The following PSD variants were observed in gnomAD, a reference collection of about 807,000 sequenced individuals.
PSD encodes the protein PH and SEC7 domain-containing protein 1.
A neutral mutation model predicts 91.6 loss-of-function variants in PSD; 32 were observed. The observed-to-expected ratio is 0.35, with a 90% confidence interval of 0.26 to 0.47. PSD has a LOEUF of 0.47. PSD is among the 20% of genes least tolerant of loss of function. The pLI is 1.00. For missense variants in PSD, 1,099 were observed against 1,373.9 expected, an observed-to-expected ratio of 0.80 and a Z score of 3.16; for synonymous variants, 532 against 569.3, an observed-to-expected ratio of 0.93 and a Z score of 0.93.
In PSD at chr10:102,409,025, C is replaced by A; in HGVS notation, c.2092-1759G>T. 1.0e-6 allele frequency: 1 copy of A among 986,874 alleles called. No individual in the cohort carries two copies. The highest frequency in any genetic ancestry group is 1.2e-6 in the Non-Finnish European group (1 of 830,090). 61.1% of individuals were successfully genotyped at this position (986,874 alleles called of 1,614,324 possible). A position where few individuals can be genotyped will look rare whatever the true frequency, so the allele number is the denominator to read the frequency against. ...CGCGCCGCGGTGGGTGCGCCCGTAGCGCACGGAGCACAGCGAGCGCGAGCG... is the reference window on the plus strand; with the variant it reads ...CGCGCCGCGGTGGGTGCGCCCGTAGAGCACGGAGCACAGCGAGCGCGAGCG... On this transcript the variant is annotated intron_variant, in intron 10 of 16. Transcript: ENST00000020673. The surrounding 1 kb of genome is among the most constrained non-coding windows in gnomAD (Gnocchi z 5.7).
chr10:102,407,355 G>T, intron 10 of PSD, 89 bp from the exon 11 acceptor site: 1 of 847,870 alleles, frequency 1.2e-6, no homozygotes, highest in Non-Finnish European at 1.7e-6. Context: ...TGAGAGATGA[G>T]CCAGAACTAA....
In PSD at chr10:102,404,433, G is replaced by C; in HGVS notation, c.2700+150C>G. ...CCCAGCCGGCAAGCGGGACCCAGTGGGGGCTGGATTTCAGTCCCTGCTCAC... is the reference window on the plus strand; with the variant it reads ...CCCAGCCGGCAAGCGGGACCCAGTGCGGGCTGGATTTCAGTCCCTGCTCAC... On this transcript the variant is annotated intron_variant, in intron 15 of 16. Coordinates refer to ENST00000020673, the MANE Select transcript of PSD (RefSeq NM_002779.5). The surrounding 1 kb of genome is among the most constrained non-coding windows in gnomAD (Gnocchi z 5.7). The C allele has an allele frequency of 9.9e-7, 1 of 1,006,886 alleles. No homozygotes were observed. Among genetic ancestry groups the C allele is most frequent in the South Asian group, 2.0e-5 (1 of 49,938 alleles). 62.4% of individuals were successfully genotyped at this position (1,006,886 alleles called of 1,614,324 possible).
At chr10:102,408,260 C>G (rs1262167332) in intron 10 of PSD, among the ~76,000 whole-genome samples, 1 of 152,200 alleles carries the variant, frequency 6.6e-6, no homozygotes, top group Non-Finnish European at 1.5e-5. Flanking sequence ...TGTGATGGGA[C>G]ACAGCCTCCC....
At chr10:102,412,091 G>A (rs2061430991) in intron 7 of PSD, 56 bp downstream of exon 7, 5 of 1,543,578 alleles carry the variant, frequency 3.2e-6, no homozygotes, top group South Asian at 2.2e-5. Context: ...GGCATCCTGG[G>A]GCCCTAACAC....
At position 102,416,805 on chromosome 10, in the gene PSD, A is replaced by C; in HGVS notation, c.234T>G (p.Val78=). 6.3e-7 allele frequency: 1 copy of C among 1,598,508 alleles called. No individual in the cohort carries two copies. The highest frequency in any genetic ancestry group is 8.5e-7 in the Non-Finnish European group (1 of 1,171,926). ...TPLRGPPSPR[V]APSPWAPSSP... is the part of the protein sequence containing the mutation. ...AAGAGGGTGCCCAGGGTGAGGGAGC[A>C]ACACGGGGTGAGGGGGGGCCACGCA... The change falls in exon 2 of 17, where the codon GTT becomes GTG. Residue 78 remains valine, a synonymous_variant. Coordinates refer to ENST00000020673, the MANE Select transcript of PSD (RefSeq NM_002779.5). The surrounding 1 kb of genome is among the most constrained non-coding windows in gnomAD (Gnocchi z 6.0).
intron 1 of PSD, 145 bp from the exon 2 acceptor site, chr10:102,417,266 G>A (rs571812796): frequency 7.3e-5 from 39 of 532,972 alleles, no homozygotes; most frequent in Non-Finnish European, 1.1e-4. Context: ...TTGATCCCAC[G>A]CCTGGGGACT....
chr10:102,408,748 C>T (rs111251497), intron 10 of PSD: 32 of 375,428 alleles, frequency 8.5e-5, no homozygotes, highest in African/African-American at 6.1e-4. Flanking sequence ...CCTCCCTGCC[C>T]CCCCAGCCCG....
Position 102,404,749 on chromosome 10 carries a change from T to C in PSD, c.2556-22A>G. 2 of 1,559,216 alleles carry C rather than the reference T, an allele frequency of 1.3e-6. No homozygotes were observed. The highest frequency in any genetic ancestry group is 1.7e-6 in the Non-Finnish European group (2 of 1,150,632). On this transcript the variant is annotated intron_variant, in intron 14 of 16. Transcript: ENST00000020673. This position sits in a 1 kb window ranked among gnomAD's most constrained non-coding sequence, Gnocchi z 5.7. The stretch of plus-strand genomic sequence containing the variant: ...GCTCCTGGGGAGAAAGCACAGCCCT[T>C]TGGGACCTGGGCCCAGGGTTTCTGT...
At position 102,411,106 on chromosome 10, in the gene PSD, G is replaced by A. The variant is rs564812396; in HGVS notation, c.1953C>T (p.His651=). Residue 651 remains histidine, a synonymous_variant, in exon 9 of 17, where the codon CAC becomes CAT. Transcript: ENST00000020673. ...GCAGCATGAGCGCACAGGTCAGCGT[G>A]TGGGCGCCGTCTAGGGGAGAGCTGA... ...PEALSSEDGA[H]TLTCALMLLN... 4.0e-5 allele frequency: 64 copies of A among 1,609,224 alleles called. No individual in the cohort carries two copies. Among genetic ancestry groups the A allele is most frequent in the Non-Finnish European group, 5.2e-5 (61 of 1,176,406 alleles).
At chr10:102,418,860 C>A (rs2061520300), upstream of PSD, 10 of 388,990 alleles carry the variant, frequency 2.6e-5, no homozygotes, top group South Asian at 1.4e-4. Flanking sequence ...ATCCCCCCCA[C>A]CCCCCGCCCT....
In PSD at chr10:102,408,702, G is replaced by C. The variant is rs1239703129; in HGVS notation, c.2092-1436C>G. 2.4e-4 allele frequency among the ~76,000 whole-genome samples: 36 copies of C among 152,204 alleles called. 1 individual carries two copies. Among genetic ancestry groups the C allele is most frequent in the Non-Finnish European group, 1.5e-5 (1 of 68,038 alleles). The stretch of plus-strand genomic sequence containing the variant: ...ATATTCAATCTAGAAAAGCCTCTTC[G>C]GTTTTTGAGGCCCACCTTGGCCCCA... On this transcript the variant is annotated intron_variant, in intron 10 of 16. Coordinates refer to ENST00000020673, the MANE Select transcript of PSD (RefSeq NM_002779.5).
chr10:102,413,451 A>G (rs1359468112), intron 5 of PSD, among the ~76,000 whole-genome samples: 1 of 152,120 alleles, frequency 6.6e-6, no homozygotes, highest in Non-Finnish European at 1.5e-5. Context: ...AAGAATTCTG[A>G]GCAGGCTAAA....
chr10:102,407,311 G>T (rs79266317), intron 10 of PSD, 45 bp from the exon 11 acceptor site: 5 of 1,342,796 alleles, frequency 3.7e-6, no homozygotes, highest in Admixed American at 2.3e-5. Flanking sequence ...GGTCAGTACC[G>T]CAGTGTCAGA....
Position 102,410,726 on chromosome 10 carries a change from G to T in PSD, c.2091+132C>A. The T allele has an allele frequency of 1.3e-6, 1 of 744,866 alleles. No individual in the cohort carries two copies. Among genetic ancestry groups the T allele is most frequent in the South Asian group, 1.6e-5 (1 of 63,756 alleles). The allele number at this position is 744,866 out of a possible 1,614,324, so 46.1% of individuals were successfully genotyped here. On this transcript the variant is annotated intron_variant, in intron 10 of 16. Coordinates refer to ENST00000020673, the MANE Select transcript of PSD (RefSeq NM_002779.5). This position sits in a 1 kb window ranked among gnomAD's most constrained non-coding sequence, Gnocchi z 6.0. ...GCGGTCCCCAGGCTGAGTCACGAGA[G>T]CCCGGGCTTCCGTGGCAGGAGCCGG...
Position 102,413,963 on chromosome 10 carries a change from G to C in PSD, c.1359C>G (p.Pro453=). 6.2e-7 allele frequency: 1 copy of C among 1,613,824 alleles called. No homozygotes were observed. Among genetic ancestry groups the C allele is most frequent in the East Asian group, 2.2e-5 (1 of 44,876 alleles). ...ELPPQPPAPR[P]DPPAPAPLAP... is the part of the protein sequence containing the mutation. ...CAAGTGGGGCGGGAGCTGGTGGGTC[G>C]GGCCGGGGTGCAGGGGGTTGGGGAG... Residue 453 remains proline, a synonymous_variant, in exon 5 of 17, where the codon CCC becomes CCG. Transcript: ENST00000020673.
Position 102,410,894 on chromosome 10 carries a change from G to A in PSD, c.2055C>T (p.Leu685=), listed in dbSNP as rs2061418667. The change falls in exon 10 of 17, where the codon CTC becomes CTT. Residue 685 remains leucine, a synonymous_variant. Coordinates refer to ENST00000020673, the MANE Select transcript of PSD (RefSeq NM_002779.5). The surrounding 1 kb of genome is among the most constrained non-coding windows in gnomAD (Gnocchi z 6.0). ...CGDFIGNLEG[L]NDGGDFPREL... The stretch of plus-strand genomic sequence containing the variant: ...CCCTAGGGAAGTCGCCGCCATCATT[G>A]AGGCCCTCCAGGTTCCCGATGAAGT... 2 of 1,613,690 alleles carry A rather than the reference G, an allele frequency of 1.2e-6. No homozygotes were observed. Among genetic ancestry groups the A allele is most frequent in the Admixed American group, 3.3e-5 (2 of 60,000 alleles).
In PSD at chr10:102,404,522, A is replaced by G; in HGVS notation, c.2700+61T>C. On this transcript the variant is annotated intron_variant, in intron 15 of 16. Transcript: ENST00000020673. This position sits in a 1 kb window ranked among gnomAD's most constrained non-coding sequence, Gnocchi z 5.7. ...GATCACACGCAGCAGCCTTGAGTGC[A>G]GTGGGCCTGAGCCTAACACCCTCCA... 3.2e-6 allele frequency: 5 copies of G among 1,556,814 alleles called. No homozygotes were observed. Among genetic ancestry groups the G allele is most frequent in the Non-Finnish European group, 4.4e-6 (5 of 1,148,816 alleles).
chr10:102,410,409 C>G lies in PSD; in HGVS notation c.2091+449G>C, dbSNP rs1412666093. On this transcript the variant is annotated intron_variant, in intron 10 of 16. Coordinates refer to ENST00000020673, the MANE Select transcript of PSD (RefSeq NM_002779.5). This position sits in a 1 kb window ranked among gnomAD's most constrained non-coding sequence, Gnocchi z 6.0. The stretch of plus-strand genomic sequence containing the variant: ...CTTAGTCCCTCTCAGGCCCCTCTCC[C>G]TCCGGGTTCCTGCAGCGCAGCAGCA... Among the ~76,000 whole-genome samples the G allele has an allele frequency of 2.0e-5, 3 of 152,376 alleles. No individual in the cohort carries two copies. The highest frequency in any genetic ancestry group is 7.2e-5 in the African/African-American group (3 of 41,596).
intron 10 of PSD, among the ~76,000 whole-genome samples, chr10:102,407,868 CA>C (rs2061379731): frequency 6.6e-6 from 1 of 152,136 alleles, no homozygotes; most frequent in South Asian, 2.1e-4. Flanking sequence ...CAGGGTGGTC[CA>C]ACGCCCTGCC....
Sources: allele counts gnomAD v4.1 joint callset (sites outside exome capture counted in the v4.1 genomes callset), GRCh38; gene constraint gnomAD v4.1.1; non-coding constraint Gnocchi (gnomAD v3.1); transcripts MANE v1.5; gene names NCBI Gene and HGNC (gene_info 2026-07-23, HGNC 2026-07-21).